The following KANK4 variants were observed in gnomAD, a reference collection of about 807,000 sequenced individuals.
KANK4 encodes the protein KN motif and ankyrin repeat domains 4.
In KANK4, 50 loss-of-function variants were observed where a neutral mutation model predicts 80.8. The observed-to-expected ratio is 0.62, with a 90% CI of 0.49 to 0.78. KANK4 has a LOEUF of 0.78. Ranked by LOEUF, KANK4 falls within the 30% of genes least tolerant of loss-of-function variation. KANK4 has a pLI of 0.00. For synonymous variants in KANK4, 465 were observed against 506.9 expected, an observed-to-expected ratio of 0.92 and a Z score of 1.11; for missense variants, 1,196 against 1,240.1, an observed-to-expected ratio of 0.96 and a Z score of 0.53.
intron 1 of KANK4, among the ~76,000 whole-genome samples, chr1:62,317,117 GGGGCC>G (rs1644548407): frequency 6.6e-6 from 1 of 152,168 alleles, no homozygotes; most frequent in African/African-American, 2.4e-5. Context: ...CTCATTGCAA[GGGGCC>G]GGGAAAGTGT....
At position 62,274,436 on chromosome 1, in the gene KANK4, C is replaced by T. The variant is rs767511820; in HGVS notation, c.668G>A (p.Arg223Gln). The T allele has an allele frequency of 6.2e-6, 10 of 1,614,062 alleles. No individual in the cohort carries two copies. In the East Asian group the frequency reaches 1.1e-4, roughly 18 times the overall value. Residue 223 changes from arginine to glutamine, a missense_variant, in exon 3 of 10, where the codon CGG (arginine) becomes CAG (glutamine). Arg to Gln is a conservative substitution (Grantham distance 43, BLOSUM62 1). Transcript: ENST00000371153. The stretch of plus-strand genomic sequence containing the variant: ...TCCCTCCTGGACCAGCTCTGGAATC[C>T]GAGTTGATGCTCGTGGGCTGGAGCT... ...FHSSSPRAST[R>Q]IPELVQEGAE...
At chr1:62,292,092 T>C (rs1178854989) in intron 1 of KANK4, among the ~76,000 whole-genome samples, 1 of 152,218 alleles carries the variant, frequency 6.6e-6, no homozygotes, top group Non-Finnish European at 1.5e-5. Flanking sequence ...ATTTACTTTC[T>C]GTCTGTATAG....
intron 1 of KANK4, among the ~76,000 whole-genome samples, chr1:62,289,415 C>A (rs1318996117): frequency 2.0e-5 from 3 of 152,032 alleles, no homozygotes; most frequent in African/African-American, 7.2e-5. Flanking sequence ...TTCAAAGAGC[C>A]TCAGTGTTGA....
intron 8 of KANK4, among the ~76,000 whole-genome samples, chr1:62,249,029 C>T (rs1457253749): frequency 4.0e-5 from 6 of 148,274 alleles, no homozygotes; most frequent in Non-Finnish European, 7.4e-5. Flanking sequence ...CAAAAATTAG[C>T]TAGGTATGGT....
chr1:62,278,472 A>C (rs1672375691), intron 2 of KANK4, among the ~76,000 whole-genome samples: 3 of 150,472 alleles, frequency 2.0e-5, no homozygotes, highest in African/African-American at 7.4e-5. Context: ...GGCTCATTGC[A>C]ACCTCCGCCT....
In KANK4 at chr1:62,278,305, G is replaced by A. The variant is rs751026824; in HGVS notation, c.17-3218C>T. Among the ~76,000 whole-genome samples, 10 of 144,108 alleles carry A rather than the reference G, an allele frequency of 6.9e-5. 3 individuals carry two copies. Among genetic ancestry groups the A allele is most frequent in the Non-Finnish European group, 1.5e-4 (10 of 66,324 alleles). The allele number at this position is 144,108 out of a possible 152,430, so 94.5% of individuals were successfully genotyped here. On this transcript the variant is annotated intron_variant, in intron 2 of 9. Coordinates refer to ENST00000371153, the MANE Select transcript of KANK4 (RefSeq NM_181712.5). Reference sequence around the variant, plus strand: ...AAAGTTGCAAATGGTGGCATTTCCTGGGGCACATTTTCTTTCTTCCTTCCT... The same window carrying A: ...AAAGTTGCAAATGGTGGCATTTCCTAGGGCACATTTTCTTTCTTCCTTCCT...
At chr1:62,254,286 A>C (rs1227035018) in intron 7 of KANK4, among the ~76,000 whole-genome samples, 1 of 152,160 alleles carries the variant, frequency 6.6e-6, no homozygotes, top group Non-Finnish European at 1.5e-5. Context: ...TCACTCTGTC[A>C]CCCAGGCTGG....
chr1:62,261,294 G>A (rs1295962472), intron 7 of KANK4, among the ~76,000 whole-genome samples: 1 of 151,814 alleles, frequency 6.6e-6, no homozygotes, highest in Non-Finnish European at 1.5e-5. Flanking sequence ...GAGTAGCTAG[G>A]ATTACAGGCA....
chr1:62,279,910 C>CA (rs1337217540), intron 2 of KANK4, among the ~76,000 whole-genome samples: 4 of 152,292 alleles, frequency 2.6e-5, no homozygotes, highest in Admixed American at 2.6e-4. Flanking sequence ...CTTAAGAGAA[C>CA]AACAGATCAC....
At chr1:62,245,995 G>A (rs983387009) in intron 9 of KANK4, among the ~76,000 whole-genome samples, 11 of 152,208 alleles carry the variant, frequency 7.2e-5, no homozygotes, top group African/African-American at 2.2e-4. Flanking sequence ...TAATGGAGCC[G>A]GGTTCCACTA....
chr1:62,270,211 T>C (rs547745737), intron 4 of KANK4, among the ~76,000 whole-genome samples: 28 of 152,124 alleles, frequency 1.8e-4, no homozygotes, highest in South Asian at 8.3e-4. Context: ...GTGGGGACCA[T>C]TGGGGGCGTT....
At chr1:62,315,086 C>T (rs1449915220) in intron 1 of KANK4, among the ~76,000 whole-genome samples, 1 of 152,172 alleles carries the variant, frequency 6.6e-6, no homozygotes, top group African/African-American at 2.4e-5. Flanking sequence ...GTGTAGACTG[C>T]AGGCTGTTCA....
At chr1:62,282,531 G>A (rs1269111380) in intron 1 of KANK4, among the ~76,000 whole-genome samples, 1 of 152,168 alleles carries the variant, frequency 6.6e-6, no homozygotes, top group East Asian at 1.9e-4. Context: ...GATGAGGGAA[G>A]GACTGGGAGA....
At chr1:62,272,428 A>G (rs1446074943) in intron 3 of KANK4, 3 of 152,458 alleles carry the variant, frequency 2.0e-5, no homozygotes, top group South Asian at 4.1e-4. Flanking sequence ...AACCTCTACT[A>G]TGCAAGAACC....
Position 62,238,081 on chromosome 1 carries a change from C to T in KANK4, c.*196G>A. ...CCTGCTCTGAAGCCCGTGTAGTTTT[C>T]AGGCTTGGCCTAAGGCAAAAACTAC... On this transcript the variant is annotated 3_prime_UTR_variant, in exon 10 of 10. Transcript: ENST00000371153. 1.9e-6 allele frequency: 1 copy of T among 516,466 alleles called. No individual in the cohort carries two copies. Among genetic ancestry groups the T allele is most frequent in the Non-Finnish European group, 3.6e-6 (1 of 281,166 alleles). 32.0% of individuals were successfully genotyped at this position (516,466 alleles called of 1,614,324 possible). A position where few individuals can be genotyped will look rare whatever the true frequency, so the allele number is the denominator to read the frequency against.
At chr1:62,317,370 G>C (rs1644550212) in intron 1 of KANK4, among the ~76,000 whole-genome samples, 1 of 152,186 alleles carries the variant, frequency 6.6e-6, no homozygotes, top group South Asian at 2.1e-4. Context: ...AGCAGGCATG[G>C]GCTGTCTGAC....
At chr1:62,263,496 A>G in intron 6 of KANK4, 185 bp from the exon 7 acceptor site, 1 of 601,230 alleles carries the variant, frequency 1.7e-6, no homozygotes, top group South Asian at 2.0e-5. Flanking sequence ...TACTTGTGCG[A>G]TCAGCCCCCT....
chr1:62,238,440 G>T (rs1177872649), intron 9 of KANK4, 59 bp from the exon 10 acceptor site: 4 of 1,488,522 alleles, frequency 2.7e-6, no homozygotes, highest in African/African-American at 1.4e-5. Context: ...CTGCCTGGGG[G>T]AGAAGGGCAA....
chr1:62,291,735 G>C (rs774112647), intron 1 of KANK4, among the ~76,000 whole-genome samples: 11 of 152,098 alleles, frequency 7.2e-5, no homozygotes, highest in Non-Finnish European at 1.3e-4. Flanking sequence ...AGCCTCCCAA[G>C]TAGCTGGGAT....
Sources: allele counts gnomAD v4.1 joint callset (sites outside exome capture counted in the v4.1 genomes callset), GRCh38; gene constraint gnomAD v4.1.1; transcripts MANE v1.5; gene names NCBI Gene and HGNC (gene_info 2026-07-23, HGNC 2026-07-21).